DLG1: variants seen among roughly 807,000 people sequenced by gnomAD.
DLG1 encodes the protein discs large MAGUK scaffold protein 1.
In DLG1, 42 loss-of-function variants were observed where a neutral mutation model predicts 123.4. The observed-to-expected ratio is 0.34, with a 90% CI of 0.27 to 0.44. The LOEUF is 0.44. Ranked by LOEUF, DLG1 falls within the 20% of genes least tolerant of loss-of-function variation. The probability of loss-of-function intolerance (pLI) is 1.00; values close to 1 mark genes in which losing one functional copy is unlikely to be tolerated. For synonymous variants in DLG1, 317 were observed against 356.2 expected, an observed-to-expected ratio of 0.89 and a Z score of 1.24; for missense variants, 942 against 1,082.6, an observed-to-expected ratio of 0.87 and a Z score of 1.82.
chr3:197,129,284 A>G (rs934775798), intron 11 of DLG1, among the ~76,000 whole-genome samples: 1 of 152,208 alleles, frequency 6.6e-6, no homozygotes, highest in Non-Finnish European at 1.5e-5. Flanking sequence ...TTGCTGCTTT[A>G]CCTTGCACTT....
At chr3:197,253,511 A>G (rs1755421542) in intron 4 of DLG1, among the ~76,000 whole-genome samples, 1 of 152,216 alleles carries the variant, frequency 6.6e-6, no homozygotes, top group Non-Finnish European at 1.5e-5. Flanking sequence ...AAAACAAGCA[A>G]ACATGCAACT....
intron 23 of DLG1, among the ~76,000 whole-genome samples, chr3:197,059,548 T>C (rs1202178359): frequency 6.6e-6 from 1 of 151,466 alleles, no homozygotes; most frequent in African/African-American, 2.4e-5. Flanking sequence ...TCTATTTTTT[T>C]GTCCCCTGAA....
intron 4 of DLG1, among the ~76,000 whole-genome samples, chr3:197,210,270 G>C (rs1278597121): frequency 7.1e-6 from 1 of 140,440 alleles, no homozygotes; most frequent in Non-Finnish European, 1.6e-5. Flanking sequence ...ACTAAGTAAA[G>C]TAAACCTGAG....
intron 15 of DLG1, among the ~76,000 whole-genome samples, chr3:197,089,775 G>A (rs1756683759): frequency 6.6e-6 from 1 of 151,802 alleles, no homozygotes; most frequent in Non-Finnish European, 1.5e-5. Context: ...TTCCTTCTTC[G>A]ATATATTTGT....
intron 4 of DLG1, among the ~76,000 whole-genome samples, chr3:197,231,994 G>A (rs934180870): frequency 3.9e-5 from 6 of 152,110 alleles, no homozygotes; most frequent in Admixed American, 1.3e-4. Flanking sequence ...CCATGAAACC[G>A]CAATGTACAT....
At chr3:197,295,093 G>T (rs1310585171) in intron 3 of DLG1, among the ~76,000 whole-genome samples, 1 of 152,136 alleles carries the variant, frequency 6.6e-6, no homozygotes, top group Non-Finnish European at 1.5e-5. Flanking sequence ...ATTCAAATGT[G>T]TAAAAAATGT....
chr3:197,141,202 T>A (rs1787765672), intron 7 of DLG1, among the ~76,000 whole-genome samples: 1 of 152,178 alleles, frequency 6.6e-6, no homozygotes, highest in African/African-American at 2.4e-5. Flanking sequence ...AATAAAAAAA[T>A]GTTTTTCAAT....
At chr3:197,219,272 T>C (rs1237007943) in intron 4 of DLG1, among the ~76,000 whole-genome samples, 2 of 152,166 alleles carry the variant, frequency 1.3e-5, no homozygotes, top group African/African-American at 4.8e-5. Flanking sequence ...GTGGCCAAAT[T>C]GAGAAGCAGA....
chr3:197,121,338 T>G (rs1326537390), intron 11 of DLG1, among the ~76,000 whole-genome samples: 1 of 151,854 alleles, frequency 6.6e-6, no homozygotes, highest in Non-Finnish European at 1.5e-5. Flanking sequence ...AGCACAAGAG[T>G]GCCTAATTCA....
At chr3:197,188,035 T>TACC (rs201215982) in intron 5 of DLG1, among the ~76,000 whole-genome samples, 107 of 152,024 alleles carry the variant, frequency 7.0e-4, no homozygotes, top group South Asian at 3.1e-3. Flanking sequence ...CACCATCCAC[T>TACC]ACCACCACCA....
At chr3:197,050,345 C>A (rs547086111) in intron 24 of DLG1, among the ~76,000 whole-genome samples, 192 of 150,340 alleles carry the variant, frequency 1.3e-3, no homozygotes, top group African/African-American at 4.3e-3. Flanking sequence ...CCAGCCTGGG[C>A]GACAGAGCCA....
intron 5 of DLG1, among the ~76,000 whole-genome samples, chr3:197,186,221 G>A (rs1188172628): frequency 1.3e-5 from 2 of 152,154 alleles, no homozygotes; most frequent in African/African-American, 2.4e-5. Context: ...CATGAGATTA[G>A]ACTGGGAGGT....
At chr3:197,090,474 G>T (rs1189026515) in intron 15 of DLG1, among the ~76,000 whole-genome samples, 1 of 151,980 alleles carries the variant, frequency 6.6e-6, no homozygotes, top group Non-Finnish European at 1.5e-5. Context: ...ATTTACCGAG[G>T]CTATTCACAT....
At chr3:197,099,108 C>T (rs1404632766) in intron 14 of DLG1, among the ~76,000 whole-genome samples, 1 of 152,160 alleles carries the variant, frequency 6.6e-6, no homozygotes, top group Non-Finnish European at 1.5e-5. Context: ...CTCTGTCATC[C>T]AGGCTGGAGT....
At chr3:197,059,840 A>C in intron 23 of DLG1, 49 bp downstream of exon 23, 2 of 1,254,210 alleles carry the variant, frequency 1.6e-6, no homozygotes, top group Non-Finnish European at 2.3e-6. Context: ...ATTACCCTAC[A>C]GTGACTGAAT....
chr3:197,098,611 C>T (rs542775854), intron 14 of DLG1, among the ~76,000 whole-genome samples: 2 of 151,738 alleles, frequency 1.3e-5, no homozygotes, highest in Admixed American at 6.6e-5. Flanking sequence ...TCCGGCTCAT[C>T]GCAGCTTCTG....
At chr3:197,298,688 G>A (rs1385962136), upstream of DLG1, 1 of 397,638 alleles carries the variant, frequency 2.5e-6, no homozygotes, top group African/African-American at 2.1e-5. Context: ...GCGGGGCCTG[G>A]GAGAGGGAGA....
intron 12 of DLG1, among the ~76,000 whole-genome samples, 200 bp from the exon 13 acceptor site, chr3:197,116,283 A>G (rs185455316): frequency 6.6e-6 from 1 of 152,264 alleles, no homozygotes; most frequent in East Asian, 1.9e-4. Flanking sequence ...TTTATATAAA[A>G]GCAAAAAACC....
At chr3:197,243,083 A>T (rs1749786679) in intron 4 of DLG1, among the ~76,000 whole-genome samples, 1 of 152,216 alleles carries the variant, frequency 6.6e-6, no homozygotes, top group Admixed American at 6.5e-5. Context: ...AGAGCACACC[A>T]AACAAAGGAA....
Sources: allele counts gnomAD v4.1 joint callset (sites outside exome capture counted in the v4.1 genomes callset), GRCh38; gene constraint gnomAD v4.1.1; transcripts MANE v1.5; gene names NCBI Gene and HGNC (gene_info 2026-07-23, HGNC 2026-07-21).